Variants in GLDC observed in about 807,000 individuals in gnomAD.
The protein encoded by GLDC is glycine dehydrogenase (decarboxylating), mitochondrial.
Under a neutral mutation model 121.3 loss-of-function variants are expected in GLDC, and 104 were observed. That is an observed-to-expected ratio of 0.86 (90% CI 0.73 to 1.01). The LOEUF (loss-of-function observed/expected upper bound fraction) is 1.01. Among genes scored for constraint, GLDC ranks in the 50% least tolerant of loss-of-function variants. GLDC has a pLI of 0.00. For missense variants in GLDC, 1,429 were observed against 1,306.6 expected (o/e 1.09, Z -1.44); for synonymous variants, 546 against 480.6 (o/e 1.14, Z -1.78).
intron 2 of GLDC, among the ~76,000 whole-genome samples, chr9:6,625,279 C>G (rs1447412289): frequency 6.6e-6 from 1 of 152,098 alleles, no homozygotes; most frequent in Non-Finnish European, 1.5e-5. Context: ...TGCTCTCTCA[C>G]TCACACGGCC....
At chr9:6,633,668 T>C (rs973381292) in intron 2 of GLDC, among the ~76,000 whole-genome samples, 27 of 151,862 alleles carry the variant, frequency 1.8e-4, no homozygotes, top group African/African-American at 6.5e-4. Flanking sequence ...ACAACTGTAA[T>C]CCCAGCACTT....
intron 15 of GLDC, among the ~76,000 whole-genome samples, chr9:6,572,859 C>T (rs1387955360): frequency 1.3e-5 from 2 of 152,170 alleles, no homozygotes; most frequent in Non-Finnish European, 2.9e-5. Context: ...AACAGGAGCC[C>T]TTAGGTGGCA....
intron 21 of GLDC, among the ~76,000 whole-genome samples, chr9:6,547,935 A>G (rs1288090339): frequency 6.6e-6 from 1 of 152,072 alleles, no homozygotes; most frequent in Non-Finnish European, 1.5e-5. Flanking sequence ...TTCAAGACCA[A>G]CCTGGGCAAC....
intron 2 of GLDC, among the ~76,000 whole-genome samples, chr9:6,632,069 A>G (rs1028556941): frequency 2.6e-5 from 4 of 152,220 alleles, no homozygotes; most frequent in African/African-American, 9.7e-5. Context: ...CTGCCTCAAA[A>G]AAAAGTCATA....
In GLDC at chr9:6,534,775, G is replaced by T. The variant is rs147472391; in HGVS notation, c.2852C>A (p.Ser951Tyr). The change falls in exon 24 of 25, where the codon TCC becomes TAC. Residue 951 changes from serine (S) to tyrosine (Y), a missense_variant. Transcript: ENST00000321612. The part of the protein sequence containing the change: ...RVNPLKMSPH[S>Y]LTCVTSSHWD... Reference sequence around the variant, plus strand: ...GTGGGAAGATGTAACGCAGGTCAGGGAGTGTGGAGACATCTGAGACAGAGA... The same window carrying T: ...GTGGGAAGATGTAACGCAGGTCAGGTAGTGTGGAGACATCTGAGACAGAGA... 4.4e-4 allele frequency: 709 copies of T among 1,597,928 alleles called. No homozygotes were observed. Among genetic ancestry groups the T allele is most frequent in the Non-Finnish European group, 4.9e-4 (570 of 1,165,280 alleles).
At chr9:6,601,322 G>A (rs946166471) in intron 8 of GLDC, among the ~76,000 whole-genome samples, 3 of 152,160 alleles carry the variant, frequency 2.0e-5, no homozygotes, top group Non-Finnish European at 2.9e-5. Flanking sequence ...TCCTAAGAGA[G>A]GGTGTCTCAA....
At chr9:6,615,963 C>T (rs1587969566) in intron 3 of GLDC, among the ~76,000 whole-genome samples, 2 of 152,226 alleles carry the variant, frequency 1.3e-5, no homozygotes, top group South Asian at 4.2e-4. Flanking sequence ...TGCTATGCTA[C>T]CCAGGCTGGA....
chr9:6,606,549 CATGACATTAT>C (rs1265720810), intron 5 of GLDC, 33 bp downstream of exon 5: 15 of 1,085,054 alleles, frequency 1.4e-5, no homozygotes, highest in Non-Finnish European at 2.2e-5. Flanking sequence ...CAGAGATGAA[CATGACATTAT>C]ACTGAGTTTA....
At chr9:6,598,806 AT>A (rs1818541611) in intron 8 of GLDC, among the ~76,000 whole-genome samples, 3 of 152,370 alleles carry the variant, frequency 2.0e-5, no homozygotes, top group Admixed American at 2.0e-4. Flanking sequence ...CATTTTAACA[AT>A]TGCTGGAAAA....
chr9:6,610,148 G>A (rs758769199), intron 4 of GLDC, 44 bp downstream of exon 4: 2 of 1,470,860 alleles, frequency 1.4e-6, no homozygotes, highest in South Asian at 1.2e-5. Flanking sequence ...GGCCAGGCGA[G>A]GTGGCCCACA....
intron 14 of GLDC, among the ~76,000 whole-genome samples, chr9:6,588,088 TA>T (rs546278190): frequency 7.2e-4 from 83 of 115,302 alleles, no homozygotes; most frequent in Non-Finnish European, 1.2e-3. Flanking sequence ...CAATTTTTTT[TA>T]AAAAAGCTTT....
chr9:6,637,847 A>G lies in GLDC; in HGVS notation c.334+6767T>C, dbSNP rs982817603. 2.6e-5 allele frequency among the ~76,000 whole-genome samples: 4 copies of G among 151,404 alleles called. No homozygotes were observed. In the South Asian group the frequency reaches 6.2e-4, roughly 24 times the overall value. On this transcript the variant is annotated intron_variant, in intron 2 of 24. Transcript: ENST00000321612. Reference sequence around the variant, plus strand: ...CATAATTTATTTTAGGACTCAACACATTAAAAATTTTTTTTTACTTTTTTT... The same window carrying G: ...CATAATTTATTTTAGGACTCAACACGTTAAAAATTTTTTTTTACTTTTTTT...
At chr9:6,533,354 C>T (rs756702306) in intron 24 of GLDC, among the ~76,000 whole-genome samples, 194 bp from the exon 25 acceptor site, 4 of 152,138 alleles carry the variant, frequency 2.6e-5, no homozygotes, top group Non-Finnish European at 5.9e-5. Flanking sequence ...CTGATCACCA[C>T]CCCTGTTAAG....
rs2297443 is a variant in GLDC at position 6,540,341 on chromosome 9, T to C, written c.2570-195A>G. The C allele has an allele frequency of 0.17, 102,046 of 588,600 alleles. 9,950 individuals are homozygous for C. The highest frequency in any genetic ancestry group is 0.34 in the East Asian group (11,475 of 33,626). 36.5% of individuals were successfully genotyped at this position (588,600 alleles called of 1,614,324 possible). A position where few individuals can be genotyped will look rare whatever the true frequency, so the allele number is the denominator to read the frequency against. On this transcript the variant is annotated intron_variant, in intron 21 of 24. Coordinates refer to ENST00000321612, the MANE Select transcript of GLDC (RefSeq NM_000170.3). ...TAGTCTTATTACAAATAAAAATGTTTAGCACACTGTGCCGATGTGTCTTAT... is the reference window on the plus strand; with the variant it reads ...TAGTCTTATTACAAATAAAAATGTTCAGCACACTGTGCCGATGTGTCTTAT...
At chr9:6,539,220 G>T (rs1175051611) in intron 22 of GLDC, among the ~76,000 whole-genome samples, 5 of 152,094 alleles carry the variant, frequency 3.3e-5, no homozygotes, top group African/African-American at 1.2e-4. Context: ...GCTCACACCT[G>T]TAATCCCAGC....
chr9:6,557,988 C>T (rs1817673044), intron 17 of GLDC: 1 of 199,068 alleles, frequency 5.0e-6, no homozygotes, highest in African/African-American at 2.3e-5. Flanking sequence ...TGCCTAATAA[C>T]ACCACCATCA....
At chr9:6,629,133 C>A (rs934696229) in intron 2 of GLDC, among the ~76,000 whole-genome samples, 1 of 151,816 alleles carries the variant, frequency 6.6e-6, no homozygotes, top group African/African-American at 2.4e-5. Context: ...TTTGCCACTG[C>A]GCCTAAAATA....
chr9:6,612,522 C>G (rs939626961), intron 3 of GLDC, among the ~76,000 whole-genome samples: 6 of 152,028 alleles, frequency 3.9e-5, no homozygotes, highest in Non-Finnish European at 7.4e-5. Context: ...CACTCGAGCC[C>G]TGGAATTCGA....
chr9:6,605,362 A>G, intron 5 of GLDC, 84 bp from the exon 6 acceptor site: 1 of 1,450,890 alleles, frequency 6.9e-7, no homozygotes, highest in East Asian at 2.4e-5. Context: ...GTAAGACAGC[A>G]TTCATTTTCT....
Sources: allele counts gnomAD v4.1 joint callset (sites outside exome capture counted in the v4.1 genomes callset), GRCh38; gene constraint gnomAD v4.1.1; transcripts MANE v1.5; gene names NCBI Gene and HGNC (gene_info 2026-07-23, HGNC 2026-07-21).